Variants in PIGL observed in about 807,000 individuals in gnomAD.
PIGL encodes the protein phosphatidylinositol glycan anchor biosynthesis class L, also known as N-acetylglucosaminyl-phosphatidylinositol de-N-acetylase.
PIGL carries 22 observed loss-of-function variants against 31.1 expected under a neutral mutation model. That is an observed-to-expected ratio of 0.71 (90% CI 0.51 to 1.01). The LOEUF is 1.01. Among genes scored for constraint, PIGL ranks in the 50% least tolerant of loss-of-function variants. The pLI, the probability that PIGL is intolerant of heterozygous loss-of-function variation, is 0.00. For missense variants in PIGL, 302 were observed against 315.9 expected (o/e 0.96, Z 0.33); for synonymous variants, 131 against 117.4 (o/e 1.12, Z -0.75).
At position 16,231,687 on chromosome 17, in the gene PIGL, A is replaced by T. The variant is rs189376628; in HGVS notation, c.236-2284A>T. ...ATGTCTTTACTTTGTATTAAATGTG[A>T]TTATGATTGCTAGTTATGACTGAGA... On this transcript the variant is annotated intron_variant, in intron 1 of 6. Transcript: ENST00000225609. 1.9e-3 allele frequency among the ~76,000 whole-genome samples: 292 copies of T among 152,296 alleles called. 1 individual carries two copies. Among genetic ancestry groups the T allele is most frequent in the Non-Finnish European group, 3.1e-3 (209 of 68,024 alleles).
chr17:16,296,303 A>G (rs1278822223), intron 2 of PIGL, among the ~76,000 whole-genome samples: 1 of 152,118 alleles, frequency 6.6e-6, no homozygotes, highest in Non-Finnish European at 1.5e-5. Flanking sequence ...AGAGCTCTGC[A>G]AGGGACTGCA....
intron 1 of PIGL, among the ~76,000 whole-genome samples, chr17:16,231,072 T>C (rs1376193936): frequency 7.7e-6 from 1 of 129,038 alleles, no homozygotes; most frequent in Non-Finnish European, 1.6e-5. Context: ...TTTTTCTTTT[T>C]TTTTTTTTTT....
At chr17:16,308,941 C>G (rs550423398) in intron 3 of PIGL, among the ~76,000 whole-genome samples, 1 of 151,896 alleles carries the variant, frequency 6.6e-6, no homozygotes, top group African/African-American at 2.4e-5. Context: ...CACGTGCCAC[C>G]GGGCCCAGCT....
chr17:16,277,983 T>C (rs1342121634), intron 2 of PIGL, among the ~76,000 whole-genome samples: 1 of 152,114 alleles, frequency 6.6e-6, no homozygotes, highest in Non-Finnish European at 1.5e-5. Context: ...TTGACAGTGC[T>C]TCCTGTATGA....
chr17:16,273,454 G>A (rs1049643535), intron 2 of PIGL, among the ~76,000 whole-genome samples: 4 of 152,196 alleles, frequency 2.6e-5, no homozygotes, highest in African/African-American at 7.2e-5. Flanking sequence ...TTTGAAGTAC[G>A]TCAAAATGGG....
intron 1 of PIGL, among the ~76,000 whole-genome samples, chr17:16,223,179 T>A (rs1323550538): frequency 6.6e-6 from 1 of 152,208 alleles, no homozygotes; most frequent in East Asian, 1.9e-4. Context: ...ATTCCTCCAA[T>A]TTATGTGACC....
At position 16,313,567 on chromosome 17, in the gene PIGL, G is replaced by C. The variant is rs759615256; in HGVS notation, c.447G>C (p.Gly149=). Residue 149 remains glycine (G), a synonymous_variant, in exon 4 of 7, where the codon GGG becomes GGC. Transcript: ENST00000225609. ...TACAGGTGGTGACTTTCGATGCAGGGGGAGTAAGTGGCCACAGCAATCACA... is the reference window on the plus strand; with the variant it reads ...TACAGGTGGTGACTTTCGATGCAGGCGGAGTAAGTGGCCACAGCAATCACA... ...GINLVVTFDA[G]GVSGHSNHIA... is the part of the protein sequence containing the mutation. 5 of 1,613,852 alleles carry C rather than the reference G, an allele frequency of 3.1e-6. No homozygotes were observed. The African/African-American group carries it at 5.3e-5, about 17-fold the overall frequency.
chr17:16,256,981 C>G (rs2092796574), intron 2 of PIGL, among the ~76,000 whole-genome samples: 1 of 152,156 alleles, frequency 6.6e-6, no homozygotes, highest in African/African-American at 2.4e-5. Context: ...AGCCACCATG[C>G]CAGCCAGTCT....
chr17:16,278,397 G>T (rs538036658), intron 2 of PIGL, among the ~76,000 whole-genome samples: 1 of 152,078 alleles, frequency 6.6e-6, no homozygotes, highest in Non-Finnish European at 1.5e-5. Flanking sequence ...GATCAAACCC[G>T]ATTCTTAATA....
At chr17:16,235,284 G>A (rs1021623602) in intron 2 of PIGL, among the ~76,000 whole-genome samples, 1 of 152,038 alleles carries the variant, frequency 6.6e-6, no homozygotes, top group African/African-American at 2.4e-5. Context: ...TCAGGATTTC[G>A]ACAAGGACCA....
At chr17:16,268,921 C>T (rs991483081) in intron 2 of PIGL, among the ~76,000 whole-genome samples, 2 of 152,042 alleles carry the variant, frequency 1.3e-5, no homozygotes, top group African/African-American at 2.4e-5. Context: ...TGCCACCACG[C>T]CTGGCTATTT....
rs950294209 is a variant in PIGL at position 16,299,871 on chromosome 17, G to T, written c.336-17G>T. 7 of 1,591,746 alleles carry T rather than the reference G, an allele frequency of 4.4e-6. No individual in the cohort carries two copies. The highest frequency in any genetic ancestry group is 5.2e-6 in the Non-Finnish European group (6 of 1,159,744). On this transcript the variant is annotated splice_polypyrimidine_tract_variant and intron_variant, in intron 2 of 6. Coordinates refer to ENST00000225609, the MANE Select transcript of PIGL (RefSeq NM_004278.4). Reference sequence around the variant, plus strand: ...CCTGATTAGAAAAGGTGTTCAAGTTGTGCTTCTCTCTTGTAGGGATTTCCC... The same window carrying T: ...CCTGATTAGAAAAGGTGTTCAAGTTTTGCTTCTCTCTTGTAGGGATTTCCC...
Position 16,311,135 on chromosome 17 carries a change from C to T in PIGL, c.427-2412C>T, listed in dbSNP as rs112214742. Among the ~76,000 whole-genome samples, 985 of 152,246 alleles carry T rather than the reference C, an allele frequency of 6.5e-3. 14 individuals are homozygous for T. The highest frequency in any genetic ancestry group is 0.023 in the African/African-American group (952 of 41,544). On this transcript the variant is annotated intron_variant, in intron 3 of 6. Transcript: ENST00000225609. Reference sequence around the variant, plus strand: ...CAATCCCAGTTCCAGGTTCCTTCATCCATGCAGGATGGTCACCTTTCCTTG... The same window carrying T: ...CAATCCCAGTTCCAGGTTCCTTCATTCATGCAGGATGGTCACCTTTCCTTG...
At chr17:16,232,665 C>T (rs1226831825) in intron 1 of PIGL, among the ~76,000 whole-genome samples, 2 of 151,150 alleles carry the variant, frequency 1.3e-5, no homozygotes, top group Non-Finnish European at 2.9e-5. Flanking sequence ...GTACATGAGA[C>T]TATTTATCAC....
At chr17:16,246,670 G>GTTTTTTTTTTT (rs1284256034) in intron 2 of PIGL, among the ~76,000 whole-genome samples, 3 of 106,534 alleles carry the variant, frequency 2.8e-5, no homozygotes, top group South Asian at 2.7e-4. Context: ...CCAGATCAAG[G>GTTTTTTTTTTT]TCTTTTTTTT....
intron 5 of PIGL, chr17:16,316,929 G>A: frequency 7.5e-7 from 1 of 1,336,190 alleles, no homozygotes; most frequent in Non-Finnish European, 9.7e-7. Flanking sequence ...TGAGTGGGGA[G>A]GCCAGGTTTG....
chr17:16,325,083 C>T (rs749369608), intron 6 of PIGL, among the ~76,000 whole-genome samples: 2 of 151,954 alleles, frequency 1.3e-5, no homozygotes, highest in Admixed American at 6.6e-5. Context: ...CGGTGGCTCA[C>T]GCCTGTAATC....
At chr17:16,287,074 G>A (rs575133091) in intron 2 of PIGL, among the ~76,000 whole-genome samples, 1 of 152,242 alleles carries the variant, frequency 6.6e-6, no homozygotes, top group African/African-American at 2.4e-5. Flanking sequence ...TCATTCTCTC[G>A]GAGCCCCGCT....
intron 1 of PIGL, chr17:16,217,816 C>T: frequency 4.3e-6 from 1 of 234,964 alleles, no homozygotes; most frequent in Non-Finnish European, 8.4e-6. Flanking sequence ...CTATATAGCA[C>T]ACGAAACAAT....
Sources: allele counts gnomAD v4.1 joint callset (sites outside exome capture counted in the v4.1 genomes callset), GRCh38; gene constraint gnomAD v4.1.1; transcripts MANE v1.5; gene names NCBI Gene and HGNC (gene_info 2026-07-23, HGNC 2026-07-21).